The following PCDH15 variants were observed in gnomAD, a reference collection of about 807,000 sequenced individuals.
PCDH15 encodes the protein protocadherin related 15, also known as protocadherin-15.
Under a neutral mutation model 178.5 loss-of-function variants are expected in PCDH15, and 129 were observed. That is an observed-to-expected ratio of 0.72 (90% confidence interval 0.63 to 0.84). The LOEUF (loss-of-function observed/expected upper bound fraction) is 0.84, where lower values mean the gene tolerates loss of function less well. Among genes scored for constraint, PCDH15 ranks in the 40% least tolerant of loss-of-function variants. PCDH15 has a pLI of 0.00. For missense variants in PCDH15, 2,230 were observed against 2,099.9 expected, an observed-to-expected ratio of 1.06 and a Z score of -1.21; for synonymous variants, 800 against 732.0, an observed-to-expected ratio of 1.09 and a Z score of -1.50.
chr10:54,599,849 CAG>C (rs1590389694), intron 2 of PCDH15: 3 of 637,760 alleles, frequency 4.7e-6, no homozygotes, highest in Non-Finnish European at 5.7e-6. Context: ...GAAGGAGAAA[CAG>C]AGGCTGAAGG....
chr10:53,994,358 GT>G (rs1184475030), intron 21 of PCDH15, among the ~76,000 whole-genome samples: 1 of 152,014 alleles, frequency 6.6e-6, no homozygotes, highest in Non-Finnish European at 1.5e-5. Flanking sequence ...TTAGTATTGT[GT>G]TTCCTTACAC....
intron 3 of PCDH15, among the ~76,000 whole-genome samples, chr10:54,479,644 C>T (rs1412378534): frequency 6.6e-6 from 1 of 151,858 alleles, no homozygotes; most frequent in African/African-American, 2.4e-5. Context: ...ATTACTGGCT[C>T]CATTTATTTG....
intron 3 of PCDH15, among the ~76,000 whole-genome samples, chr10:54,437,995 T>G (rs74136152): frequency 0.021 from 3,152 of 152,246 alleles, 101 homozygotes; most frequent in African/African-American, 0.072. Flanking sequence ...AAACACACTT[T>G]CAATAAAATT....
Position 55,329,876 on chromosome 10 carries a change from T to C in PCDH15, c.-155-163225A>G, listed in dbSNP as rs546321665. On this transcript the variant is annotated intron_variant, in intron 2 of 5. Transcript: ENST00000613346. ...GGTATTAACACCTTCCCAAGACCTATTAAGGTGACAAATATGTAACTGTTT... is the reference window on the plus strand; with the variant it reads ...GGTATTAACACCTTCCCAAGACCTACTAAGGTGACAAATATGTAACTGTTT... Among the ~76,000 whole-genome samples, 5 of 151,840 alleles carry C rather than the reference T, an allele frequency of 3.3e-5. No individual in the cohort carries two copies. In the East Asian group the frequency reaches 5.8e-4, roughly 18 times the overall value.
chr10:55,561,329 G>A (rs1012980226), intron 2 of PCDH15, among the ~76,000 whole-genome samples: 1 of 151,782 alleles, frequency 6.6e-6, no homozygotes, highest in African/African-American at 2.4e-5. Flanking sequence ...GGATTTTTAG[G>A]AAAATTAGTC....
intron 3 of PCDH15, among the ~76,000 whole-genome samples, chr10:54,464,807 C>G (rs182363994): frequency 6.0e-4 from 91 of 152,130 alleles, no homozygotes; most frequent in Admixed American, 3.3e-3. Flanking sequence ...CAACCTAATT[C>G]TATTGATTTA....
intron 1 of PCDH15, among the ~76,000 whole-genome samples, chr10:55,209,617 C>T (rs1264532537): frequency 1.3e-5 from 2 of 151,898 alleles, no homozygotes; most frequent in Non-Finnish European, 2.9e-5. Flanking sequence ...CAGGACCACT[C>T]CTGGGTATTT....
intron 18 of PCDH15, among the ~76,000 whole-genome samples, chr10:54,032,191 C>G (rs1590023431): frequency 6.6e-6 from 1 of 151,910 alleles, no homozygotes; most frequent in East Asian, 1.9e-4. Flanking sequence ...TCTGCTTTAT[C>G]CAGTCATAAA....
intron 3 of PCDH15, among the ~76,000 whole-genome samples, chr10:54,886,018 TTCTC>T (rs1008458629): frequency 1.3e-5 from 2 of 151,334 alleles, no homozygotes; most frequent in Admixed American, 1.3e-4. Flanking sequence ...CTCACTGTTT[TTCTC>T]TCTCTCTCTC....
At chr10:55,304,581 C>A (rs1843370270) in intron 1 of PCDH15, among the ~76,000 whole-genome samples, 1 of 152,132 alleles carries the variant, frequency 6.6e-6, no homozygotes, top group Non-Finnish European at 1.5e-5. Context: ...TCACTCCAAA[C>A]TGCTTTTATA....
intron 2 of PCDH15, among the ~76,000 whole-genome samples, chr10:55,023,529 A>G (rs1486512410): frequency 1.3e-5 from 2 of 152,144 alleles, no homozygotes; most frequent in Admixed American, 1.3e-4. Flanking sequence ...AAACTAGTAT[A>G]CAAATTCTAG....
chr10:54,080,511 C>T (rs2094420998), intron 16 of PCDH15, among the ~76,000 whole-genome samples: 1 of 152,076 alleles, frequency 6.6e-6, no homozygotes, highest in Admixed American at 6.6e-5. Context: ...AAGTCCAAAA[C>T]ATAAATTGTT....
At chr10:54,710,277 C>A (rs150822384) in intron 1 of PCDH15, among the ~76,000 whole-genome samples, 323 of 151,754 alleles carry the variant, frequency 2.1e-3, no homozygotes, top group South Asian at 4.6e-3. Context: ...GTGACAAAAG[C>A]TTGTATCTAA....
rs569531669 is a variant in PCDH15, at chr10:55,292,745, C to T, written c.-156+26854G>A. On this transcript the variant is annotated intron_variant, in intron 1 of 5. Coordinates refer to the PCDH15 transcript ENST00000458638. ...AACTCCATGTTTCACATCCAGGTCA[C>T]GCTGAAGCAAGAGGTCAGCTCCCAT... Among the ~76,000 whole-genome samples the T allele has an allele frequency of 1.8e-4, 27 of 152,314 alleles. No individual in the cohort carries two copies. The South Asian group carries it at 3.5e-3, about 20-fold the overall frequency.
At chr10:54,517,599 C>T (rs1249407980) in intron 3 of PCDH15, among the ~76,000 whole-genome samples, 1 of 152,054 alleles carries the variant, frequency 6.6e-6, no homozygotes, top group African/African-American at 2.4e-5. Context: ...TAGACTCCCA[C>T]ACAATAATAA....
intron 1 of PCDH15, among the ~76,000 whole-genome samples, chr10:55,276,671 A>T (rs969592329): frequency 1.1e-4 from 16 of 151,922 alleles, no homozygotes; most frequent in Non-Finnish European, 1.5e-4. Flanking sequence ...GGTATTTATT[A>T]TAAAATTTAC....
At chr10:55,625,390 C>T (rs1034058200) in intron 2 of PCDH15, among the ~76,000 whole-genome samples, 5 of 152,076 alleles carry the variant, frequency 3.3e-5, no homozygotes, top group Non-Finnish European at 7.4e-5. Context: ...TGACACCCTC[C>T]CTCACAAAAA....
chr10:54,380,652 T>TATATATATATATATAC (rs1949070206), intron 3 of PCDH15, among the ~76,000 whole-genome samples: 1 of 88,076 alleles, frequency 1.1e-5, no homozygotes, highest in African/African-American at 4.4e-5. Context: ...TGTATATATA[T>TATATATATATATATAC]ATATATATAT....
intron 2 of PCDH15, among the ~76,000 whole-genome samples, chr10:54,652,694 G>A (rs2094289845): frequency 6.6e-6 from 1 of 152,174 alleles, no homozygotes; most frequent in Non-Finnish European, 1.5e-5. Flanking sequence ...GCAACAATGT[G>A]AAGAGGCAGC....
Sources: gnomAD v4.1 joint callset for allele counts (sites outside exome capture counted in the v4.1 genomes callset) on GRCh38, gnomAD v4.1.1 for gene constraint, MANE v1.5 for transcripts, NCBI Gene and HGNC (gene_info 2026-07-23, HGNC 2026-07-21) for gene names.